STK4: variants seen among roughly 807,000 people sequenced by gnomAD.
The protein encoded by STK4 is serine/threonine kinase 4.
Under a neutral mutation model 64.9 loss-of-function variants are expected in STK4, and 30 were observed. The ratio of observed to expected loss-of-function variants is 0.46; its 90% confidence interval spans 0.35 to 0.63. The LOEUF is 0.63. STK4 is among the 20% of genes least tolerant of loss of function. The probability of loss-of-function intolerance (pLI) is 0.01; values close to 1 mark genes in which losing one functional copy is unlikely to be tolerated. For missense variants in STK4, 466 were observed against 598.5 expected, an observed-to-expected ratio of 0.78 and a Z score of 2.31; for synonymous variants, 177 against 199.0, an observed-to-expected ratio of 0.89 and a Z score of 0.93.
intron 10 of STK4, among the ~76,000 whole-genome samples, chr20:45,060,906 C>T (rs1452907367): frequency 1.3e-5 from 2 of 152,192 alleles, no homozygotes; most frequent in Non-Finnish European, 1.5e-5. Flanking sequence ...CCCACTCTTA[C>T]TCACCCATAC....
intron 9 of STK4, among the ~76,000 whole-genome samples, chr20:45,008,629 G>A (rs1405883273): frequency 6.6e-6 from 1 of 152,176 alleles, no homozygotes; most frequent in Non-Finnish European, 1.5e-5. Context: ...TACAGTGGCT[G>A]AACTAACTTA....
chr20:45,011,822 T>C (rs1317719899), intron 9 of STK4, among the ~76,000 whole-genome samples: 6 of 149,288 alleles, frequency 4.0e-5, no homozygotes, highest in Admixed American at 1.3e-4. Flanking sequence ...ATTCCTGATA[T>C]AGATCAGGAA....
At chr20:44,975,431 A>G in intron 2 of STK4, 8 of 954,256 alleles carry the variant, frequency 8.4e-6, no homozygotes, top group Non-Finnish European at 1.0e-5. Flanking sequence ...TGTTCTGGTC[A>G]AGATTGCTGA....
chr20:45,024,290 G>A (rs949261861), intron 9 of STK4, among the ~76,000 whole-genome samples: 1 of 150,798 alleles, frequency 6.6e-6, no homozygotes, highest in African/African-American at 2.4e-5. Flanking sequence ...TAACATTTTG[G>A]GTATTTTCCC....
intron 4 of STK4, among the ~76,000 whole-genome samples, chr20:44,982,309 T>A (rs1368378874): frequency 6.6e-6 from 1 of 151,716 alleles, no homozygotes; most frequent in Non-Finnish European, 1.5e-5. Context: ...TTTAATTTTT[T>A]TTTTTTGTGG....
At chr20:44,981,546 G>A (rs902022823) in intron 3 of STK4, among the ~76,000 whole-genome samples, 1 of 152,128 alleles carries the variant, frequency 6.6e-6, no homozygotes, top group Non-Finnish European at 1.5e-5. Context: ...TGCTATGATG[G>A]TAACTGTTAC....
intron 1 of STK4, among the ~76,000 whole-genome samples, chr20:44,968,146 T>C (rs1409405207): frequency 6.6e-6 from 1 of 152,008 alleles, no homozygotes; most frequent in African/African-American, 2.4e-5. Context: ...CATGTTCTTT[T>C]TTTTTTTTTG....
At chr20:45,054,145 G>A (rs1491002710) in intron 10 of STK4, among the ~76,000 whole-genome samples, 1 of 152,164 alleles carries the variant, frequency 6.6e-6, no homozygotes, top group Admixed American at 6.5e-5. Context: ...TTCTCTGTAT[G>A]CTAATGCTGC....
chr20:45,011,105 T>C (rs1326207513), intron 9 of STK4, among the ~76,000 whole-genome samples: 3 of 152,198 alleles, frequency 2.0e-5, no homozygotes, highest in Non-Finnish European at 4.4e-5. Flanking sequence ...TTTGGAAGGC[T>C]TCTTCTATTT....
At chr20:45,053,891 AGTTTTTTTTTGTTTTTT>A (rs1978309492) in intron 10 of STK4, among the ~76,000 whole-genome samples, 1 of 151,868 alleles carries the variant, frequency 6.6e-6, no homozygotes, top group Non-Finnish European at 1.5e-5. Context: ...TAAAGATAGT[AGTTTTTTTTTGTTTTTT>A]GTTTTTTTTT....
chr20:44,997,348 A>G, intron 7 of STK4, 42 bp downstream of exon 7: 2 of 1,545,350 alleles, frequency 1.3e-6, no homozygotes, highest in Middle Eastern at 1.8e-4. Context: ...CATTTCATTT[A>G]CTTGCTGACC....
At chr20:45,041,120 GT>G in intron 10 of STK4, among the ~76,000 whole-genome samples, 1 of 152,146 alleles carries the variant, frequency 6.6e-6, no homozygotes, top group Non-Finnish European at 1.5e-5. Flanking sequence ...TGGCCAATAG[GT>G]TTTTTTGTTT....
At chr20:45,008,236 G>A (rs1253804229) in intron 9 of STK4, among the ~76,000 whole-genome samples, 1 of 152,056 alleles carries the variant, frequency 6.6e-6, no homozygotes, top group Non-Finnish European at 1.5e-5. Context: ...TGTATTTTTA[G>A]TAGAGACAGG....
chr20:45,044,847 G>T, intron 10 of STK4, among the ~76,000 whole-genome samples: 1 of 152,118 alleles, frequency 6.6e-6, no homozygotes, highest in South Asian at 2.1e-4. Flanking sequence ...TTTAGTTTGT[G>T]ATCTGTAAAA....
chr20:44,990,728 C>T (rs2067617935), intron 5 of STK4, among the ~76,000 whole-genome samples: 1 of 152,120 alleles, frequency 6.6e-6, no homozygotes, highest in Non-Finnish European at 1.5e-5. Context: ...CCAGAGAGTA[C>T]ACCTCCAGTC....
intron 5 of STK4, among the ~76,000 whole-genome samples, chr20:44,988,800 T>C (rs1405224857): frequency 1.3e-5 from 2 of 151,930 alleles, no homozygotes; most frequent in African/African-American, 2.4e-5. Flanking sequence ...CCCCATTCTC[T>C]TCCCAGCCCT....
At chr20:45,065,485 T>C (rs1568769224) in intron 10 of STK4, among the ~76,000 whole-genome samples, 1 of 152,164 alleles carries the variant, frequency 6.6e-6, no homozygotes, top group Non-Finnish European at 1.5e-5. Flanking sequence ...ATGATAGACA[T>C]AGATGGACAC....
At chr20:45,008,177 C>T (rs777635307) in intron 9 of STK4, among the ~76,000 whole-genome samples, 3 of 152,194 alleles carry the variant, frequency 2.0e-5, no homozygotes, top group Non-Finnish European at 4.4e-5. Context: ...GCCTCAGCCT[C>T]CTGAGTAGCT....
chr20:45,063,574 T>C (rs1979286886), intron 10 of STK4, among the ~76,000 whole-genome samples: 1 of 152,242 alleles, frequency 6.6e-6, no homozygotes, highest in Non-Finnish European at 1.5e-5. Flanking sequence ...TACCTCTTGC[T>C]GTGCAGAAGC....
Sources: gnomAD v4.1 joint callset for allele counts (sites outside exome capture counted in the v4.1 genomes callset) on GRCh38, gnomAD v4.1.1 for gene constraint, MANE v1.5 for transcripts, NCBI Gene and HGNC (gene_info 2026-07-23, HGNC 2026-07-21) for gene names.